The following EOGT variants were observed in gnomAD, a reference collection of about 807,000 sequenced individuals.
EOGT encodes EGF domain specific O-linked N-acetylglucosamine transferase.
A neutral mutation model predicts 70.5 loss-of-function variants in EOGT; 55 were observed. That is an observed-to-expected ratio of 0.78 (90% CI 0.63 to 0.98). The LOEUF is 0.98. Among genes scored for constraint, EOGT ranks in the 50% least tolerant of loss-of-function variants. The pLI, the probability that EOGT is intolerant of heterozygous loss-of-function variation, is 0.00. For synonymous variants in EOGT, 246 were observed against 217.1 expected, an observed-to-expected ratio of 1.13 and a Z score of -1.17; for missense variants, 703 against 641.9, an observed-to-expected ratio of 1.10 and a Z score of -1.03.
At chr3:69,008,581 T>A (rs1453173241) in intron 4 of EOGT, 53 bp from the exon 5 acceptor site, 2 of 1,296,790 alleles carry the variant, frequency 1.5e-6, no homozygotes, top group Admixed American at 1.8e-5. Context: ...TAGAGAAGAC[T>A]CTTAGATTTT....
At chr3:69,005,057 G>A (rs1559612686) in intron 7 of EOGT, 83 bp downstream of exon 7, 3 of 739,348 alleles carry the variant, frequency 4.1e-6, no homozygotes, top group South Asian at 1.8e-5. Context: ...GCAAGACCCT[G>A]TCTCAAAAAA....
At position 69,004,444 on chromosome 3, in the gene EOGT, C is replaced by A; in HGVS notation, c.554G>T (p.Gly185Val). The A allele has an allele frequency of 6.2e-7, 1 of 1,613,960 alleles. No individual in the cohort carries two copies. Among genetic ancestry groups the A allele is most frequent in the Non-Finnish European group, 8.5e-7 (1 of 1,179,900 alleles). The change falls in exon 8 of 18, where the codon GGG (glycine) becomes GTG (valine). Residue 185 changes from glycine to valine, a missense_variant. Coordinates refer to ENST00000383701, the MANE Select transcript of EOGT (RefSeq NM_001278689.2). ...EDFFQSGEIG[G>V]HCKLDIRTLT... Reference sequence around the variant, plus strand: ...TGTACGGATGTCAAGTTTACAGTGCCCTCCAATTTCACCACTCTGGAAAAA... The same window carrying A: ...TGTACGGATGTCAAGTTTACAGTGCACTCCAATTTCACCACTCTGGAAAAA...
Position 68,978,535 on chromosome 3 carries a change from G to A in EOGT, c.1335-100C>T, listed in dbSNP as rs1299555818. On this transcript the variant is annotated intron_variant, in intron 16 of 17. Transcript: ENST00000383701. ...AAATGCAGCTCCCAAATATGTCCTTGCAAAAGGTTGTAAACAAGACTGAGG... is the reference window on the plus strand; with the variant it reads ...AAATGCAGCTCCCAAATATGTCCTTACAAAAGGTTGTAAACAAGACTGAGG... 3 of 705,530 alleles carry A rather than the reference G, an allele frequency of 4.3e-6. No homozygotes were observed. The East Asian group carries it at 8.2e-5, about 19-fold the overall frequency. The allele number at this position is 705,530 out of a possible 1,614,324, so 43.7% of individuals were successfully genotyped here. A position where few individuals can be genotyped will look rare whatever the true frequency, so the allele number is the denominator to read the frequency against.
Position 68,975,536 on chromosome 3 carries a change from C to CTT in EOGT, c.*2080_*2081dup, listed in dbSNP as rs57738895. ...TGAGGTAAGAAGACAAACGGTGAAA[C>CTT]TTTTTTCAGATCATTTTTTCAGAAG... On this transcript the variant is annotated 3_prime_UTR_variant, in exon 18 of 18. Transcript: ENST00000383701. The CTT allele has an allele frequency of 0.26, 39,143 of 152,346 alleles. 5,608 individuals are homozygous for CTT. Among genetic ancestry groups the CTT allele is most frequent in the East Asian group, 0.45 (2,345 of 5,160 alleles). 9.4% of individuals were successfully genotyped at this position (152,346 alleles called of 1,614,324 possible).
chr3:69,008,652 A>G, intron 4 of EOGT, 124 bp from the exon 5 acceptor site: 1 of 663,330 alleles, frequency 1.5e-6, no homozygotes, highest in Non-Finnish European at 2.6e-6. Flanking sequence ...ACGTATTCTT[A>G]TAACAATAAA....
chr3:68,982,831 C>CT lies in EOGT; in HGVS notation c.1193dup (p.Ile399AspfsTer3). The CT allele has an allele frequency of 1.2e-6, 2 of 1,606,840 alleles. No homozygotes were observed. Among genetic ancestry groups the CT allele is most frequent in the African/African-American group, 2.7e-5 (2 of 74,710 alleles). Reference sequence around the variant, plus strand: ...CTTACCTATACTTGTAATCAACAATCTGGACTTCAAATGTAGATACTGTTT... The same window carrying CT: ...CTTACCTATACTTGTAATCAACAATCTTGGACTTCAAATGTAGATACTGTTT... On this transcript the variant is annotated frameshift_variant, in exon 15 of 18. Transcript: ENST00000383701. LOFTEE classifies it high-confidence loss of function.
intron 13 of EOGT, chr3:68,987,940 AGT>A: frequency 6.0e-6 from 2 of 331,608 alleles, no homozygotes; most frequent in Non-Finnish European, 1.1e-5. Flanking sequence ...GTTTTGGGGC[AGT>A]CTTGCTCTGT....
At chr3:69,013,456 A>C (rs1364125651) in intron 1 of EOGT, 118 bp downstream of exon 1, 1 of 152,282 alleles carries the variant, frequency 6.6e-6, no homozygotes, top group Non-Finnish European at 1.5e-5. Flanking sequence ...TGCGTAGGCT[A>C]TAGCCCTCCG....
rs35420812 is a variant in EOGT, at chr3:68,989,245, T to C, written c.832-228A>G. Among the ~76,000 whole-genome samples the C allele has an allele frequency of 0.11, 16,436 of 152,260 alleles. 1,173 individuals carry two copies. Among genetic ancestry groups the C allele is most frequent in the Middle Eastern group, 0.19 (56 of 294 alleles). On this transcript the variant is annotated intron_variant, in intron 10 of 17. Coordinates refer to ENST00000383701, the MANE Select transcript of EOGT (RefSeq NM_001278689.2). ...TCACAATTATACTCTTAGCCATTAA[T>C]AGTGTTTCATTTTTCTACCTTAACT...
At position 68,979,521 on chromosome 3, in the gene EOGT, C is replaced by G. The variant is rs2090570585; in HGVS notation, c.1334+147G>C. On this transcript the variant is annotated intron_variant, in intron 16 of 17. Coordinates refer to ENST00000383701, the MANE Select transcript of EOGT (RefSeq NM_001278689.2). ...AGACTTTGTATTTTTAGCTTCAGGC[C>G]TCTTTTCTTTCCAGATTGTCTATAT... 3.4e-6 allele frequency: 3 copies of G among 869,590 alleles called. No homozygotes were observed. The East Asian group carries it at 9.5e-5, about 27-fold the overall frequency. The allele number at this position is 869,590 out of a possible 1,614,324, so 53.9% of individuals were successfully genotyped here.
rs1382677384 is a variant in EOGT at position 69,009,931 on chromosome 3, AAC to A, written c.-14-73_-14-72del. 9.6e-4 allele frequency: 429 copies of A among 446,652 alleles called. 1 individual carries two copies. Among genetic ancestry groups the A allele is most frequent in the African/African-American group, 4.4e-3 (140 of 31,574 alleles). 27.7% of individuals were successfully genotyped at this position (446,652 alleles called of 1,614,324 possible). On this transcript the variant is annotated intron_variant, in intron 3 of 17. Transcript: ENST00000383701. ...AAGCCAAAACAACAACAACAACAAC[AAC>A]AAAAAAAAAAAAAAAACAAAGGGTC...
chr3:69,007,847 G>GT (rs541495032), intron 5 of EOGT, 26 bp from the exon 6 acceptor site: 28 of 1,524,200 alleles, frequency 1.8e-5, no homozygotes, highest in South Asian at 1.2e-4. Context: ...AATATTCTGT[G>GT]TTTTTTTCTT....
In EOGT at chr3:68,983,911, C is replaced by T. The variant is rs940626309; in HGVS notation, c.1153-1039G>A. On this transcript the variant is annotated intron_variant, in intron 14 of 17. Coordinates refer to ENST00000383701, the MANE Select transcript of EOGT (RefSeq NM_001278689.2). ...CCGAGAGATGGAGGCTGCAGTGAGC[C>T]GAGATCGTGCCACTGCACTCCAGCC... Among the ~76,000 whole-genome samples, 7 of 152,176 alleles carry T rather than the reference C, an allele frequency of 4.6e-5. No homozygotes were observed. In the East Asian group the frequency reaches 9.7e-4, roughly 21 times the overall value.
intron 3 of EOGT, among the ~76,000 whole-genome samples, chr3:69,011,464 A>G (rs1248315310): frequency 6.6e-6 from 1 of 151,738 alleles, no homozygotes; most frequent in East Asian, 1.9e-4. Context: ...GGTCTCTGCT[A>G]AGAATACAAA....
In EOGT at chr3:68,988,626, C is replaced by A. The variant is rs890305315; in HGVS notation, c.925-49G>T. ...GAAGATGTAATTTGCACCCTTCACA[C>A]CAAAAATAGCACGTATAATTTTGAG... On this transcript the variant is annotated intron_variant, in intron 11 of 17. Coordinates refer to ENST00000383701, the MANE Select transcript of EOGT (RefSeq NM_001278689.2). 26 of 1,115,338 alleles carry A rather than the reference C, an allele frequency of 2.3e-5. No individual in the cohort carries two copies. The South Asian group carries it at 3.1e-4, about 13-fold the overall frequency. 69.1% of individuals were successfully genotyped at this position (1,115,338 alleles called of 1,614,324 possible). A position where few individuals can be genotyped will look rare whatever the true frequency, so the allele number is the denominator to read the frequency against.
intron 8 of EOGT, among the ~76,000 whole-genome samples, 179 bp downstream of exon 8, chr3:69,004,199 C>T (rs1337029000): frequency 6.6e-6 from 1 of 152,138 alleles, no homozygotes; most frequent in African/African-American, 2.4e-5. Flanking sequence ...CTATTATAAA[C>T]ACATACTTAA....
rs182663939 is a variant in EOGT at position 69,010,794 on chromosome 3, T to G, written c.-14-934A>C. 1.6e-3 allele frequency among the ~76,000 whole-genome samples: 248 copies of G among 152,298 alleles called. 1 individual carries two copies. Among genetic ancestry groups the G allele is most frequent in the African/African-American group, 5.9e-3 (245 of 41,562 alleles). On this transcript the variant is annotated intron_variant, in intron 3 of 17. Coordinates refer to ENST00000383701, the MANE Select transcript of EOGT (RefSeq NM_001278689.2). ...GAGAGAGCAAAGGGAGTGGGATGGCTCTGAGCAAGTGTGTGTCTGCTGAAT... is the reference window on the plus strand; with the variant it reads ...GAGAGAGCAAAGGGAGTGGGATGGCGCTGAGCAAGTGTGTGTCTGCTGAAT...
chr3:68,998,424 T>G (rs1240255908), intron 9 of EOGT, among the ~76,000 whole-genome samples: 1 of 152,208 alleles, frequency 6.6e-6, no homozygotes, highest in Non-Finnish European at 1.5e-5. Flanking sequence ...TCTATTTAAC[T>G]CAAAACTGAG....
Position 68,988,289 on chromosome 3 carries a change from C to T in EOGT, c.1083+6G>A, listed in dbSNP as rs748171710. On this transcript the variant is annotated splice_donor_region_variant and intron_variant, in intron 13 of 17. Transcript: ENST00000383701. Reference sequence around the variant, plus strand: ...CCCACCTCAGAATCCGCAGTGTATCCATTACCTTAGGTCCTTCTTGTGTGA... The same window carrying T: ...CCCACCTCAGAATCCGCAGTGTATCTATTACCTTAGGTCCTTCTTGTGTGA... 28 of 1,529,618 alleles carry T rather than the reference C, an allele frequency of 1.8e-5. No homozygotes were observed. In the African/African-American group the frequency reaches 3.7e-4, roughly 20 times the overall value. The allele number at this position is 1,529,618 out of a possible 1,614,324, so 94.8% of individuals were successfully genotyped here.
Sources: allele counts gnomAD v4.1 joint callset (sites outside exome capture counted in the v4.1 genomes callset), GRCh38; gene constraint gnomAD v4.1.1; transcripts MANE v1.5; gene names NCBI Gene and HGNC (gene_info 2026-07-23, HGNC 2026-07-21).